LDB2: variants seen among roughly 807,000 people sequenced by gnomAD.
LDB2 encodes LIM domain binding 2.
In LDB2, 12 loss-of-function variants were observed where a neutral mutation model predicts 44.3. The observed-to-expected ratio is 0.27, with a 90% confidence interval of 0.17 to 0.44. The LOEUF is 0.44. Ranked by LOEUF, LDB2 falls within the 20% of genes least tolerant of loss-of-function variation. The pLI, the probability that LDB2 is intolerant of heterozygous loss-of-function variation, is 1.00. For missense variants in LDB2, 344 were observed against 473.5 expected (o/e 0.73, Z 2.54); for synonymous variants, 164 against 174.8 (o/e 0.94, Z 0.49).
intron 2 of LDB2, among the ~76,000 whole-genome samples, chr4:16,620,613 G>A (rs1273345699): frequency 6.6e-6 from 1 of 152,192 alleles, no homozygotes; most frequent in East Asian, 1.9e-4. Flanking sequence ...ATGTGGGGAG[G>A]TGAGAAGGGT....
intron 2 of LDB2, among the ~76,000 whole-genome samples, chr4:16,722,814 G>A (rs1364320010): frequency 6.6e-6 from 1 of 152,054 alleles, no homozygotes; most frequent in African/African-American, 2.4e-5. Context: ...TGAGGGTAGG[G>A]TCTGTTTGGC....
chr4:16,665,426 C>T (rs142421124), intron 2 of LDB2, among the ~76,000 whole-genome samples: 2,585 of 152,066 alleles, frequency 0.017, 32 homozygotes, highest in Non-Finnish European at 0.025. Flanking sequence ...CCACCACACC[C>T]GACTAAGTTT....
intron 1 of LDB2, among the ~76,000 whole-genome samples, chr4:16,762,163 T>G (rs2109244436): frequency 6.6e-6 from 1 of 152,074 alleles, no homozygotes; most frequent in Non-Finnish European, 1.5e-5. Flanking sequence ...CCCACTGCAC[T>G]CCAGTCTGGG....
chr4:16,595,057 T>C (rs1279478020), intron 3 of LDB2, among the ~76,000 whole-genome samples: 3 of 152,196 alleles, frequency 2.0e-5, no homozygotes, highest in African/African-American at 4.8e-5. Flanking sequence ...CTAAAATGTA[T>C]AGAAGATGAG....
intron 2 of LDB2, among the ~76,000 whole-genome samples, chr4:16,667,103 C>G (rs979799670): frequency 6.6e-6 from 1 of 152,184 alleles, no homozygotes; most frequent in Non-Finnish European, 1.5e-5. Flanking sequence ...AAGGAATGCA[C>G]AGAGAGTGTG....
At chr4:16,745,200 A>G (rs1212356942) in intron 2 of LDB2, among the ~76,000 whole-genome samples, 2 of 152,210 alleles carry the variant, frequency 1.3e-5, no homozygotes, top group African/African-American at 4.8e-5. Context: ...CAGACTGAGT[A>G]TGTGATTTCC....
intron 2 of LDB2, among the ~76,000 whole-genome samples, chr4:16,743,336 A>T (rs568262113): frequency 2.9e-4 from 44 of 152,200 alleles, no homozygotes; most frequent in Middle Eastern, 6.8e-3. Context: ...ATAATTATGT[A>T]TCTGCCTCAT....
intron 2 of LDB2, among the ~76,000 whole-genome samples, chr4:16,600,998 T>C (rs1722437656): frequency 6.6e-6 from 1 of 152,020 alleles, no homozygotes; most frequent in South Asian, 2.1e-4. Context: ...TAAAAAAAAC[T>C]TAAGGATGTT....
At chr4:16,759,049 G>T in intron 2 of LDB2, 109 bp downstream of exon 2, 1 of 676,662 alleles carries the variant, frequency 1.5e-6, no homozygotes, top group Non-Finnish European at 2.6e-6. Flanking sequence ...TCTCAGGAGT[G>T]GAGGTATTAT....
intron 7 of LDB2, chr4:16,507,163 T>C (rs1270558765): frequency 6.6e-6 from 1 of 152,216 alleles, no homozygotes; most frequent in Non-Finnish European, 1.5e-5. Flanking sequence ...GAGGACCACC[T>C]GGAGACTATT....
chr4:16,579,510 C>T (rs1184981455), intron 5 of LDB2, among the ~76,000 whole-genome samples: 1 of 152,002 alleles, frequency 6.6e-6, no homozygotes, highest in Admixed American at 6.6e-5. Context: ...TGATTTAGAG[C>T]AAGTAGAAGA....
intron 1 of LDB2, 83 bp downstream of exon 1, chr4:16,898,271 G>T: frequency 7.3e-7 from 1 of 1,375,842 alleles, no homozygotes; most frequent in Non-Finnish European, 1.0e-6. Flanking sequence ...ACTTCCCATA[G>T]AATTCAGCCA....
intron 5 of LDB2, among the ~76,000 whole-genome samples, chr4:16,572,849 G>T (rs940679451): frequency 6.6e-6 from 1 of 152,148 alleles, no homozygotes; most frequent in Non-Finnish European, 1.5e-5. Context: ...GGCTTTCTCT[G>T]CCTCCTCTCA....
intron 1 of LDB2, among the ~76,000 whole-genome samples, chr4:16,830,196 T>G (rs957147387): frequency 6.6e-6 from 1 of 152,150 alleles, no homozygotes; most frequent in Admixed American, 6.5e-5. Flanking sequence ...AAACCTCATC[T>G]CCAATTGTAA....
chr4:16,750,889 C>G (rs1765360793), intron 2 of LDB2: 1 of 152,158 alleles, frequency 6.6e-6, no homozygotes, highest in Admixed American at 6.5e-5. Context: ...GAACAGTTCT[C>G]TTCTCCAGTC....
chr4:16,785,271 C>A (rs1022385296), intron 1 of LDB2, among the ~76,000 whole-genome samples: 1 of 152,044 alleles, frequency 6.6e-6, no homozygotes, highest in African/African-American at 2.4e-5. Flanking sequence ...CCCCAGGCCA[C>A]AATTGCATCC....
At chr4:16,831,460 G>A (rs913889919) in intron 1 of LDB2, among the ~76,000 whole-genome samples, 2 of 152,134 alleles carry the variant, frequency 1.3e-5, no homozygotes, top group Non-Finnish European at 2.9e-5. Flanking sequence ...CTATTGTGTG[G>A]AAGTAGAAGC....
At chr4:16,849,675 A>C (rs995388255) in intron 1 of LDB2, among the ~76,000 whole-genome samples, 1 of 152,206 alleles carries the variant, frequency 6.6e-6, no homozygotes, top group Non-Finnish European at 1.5e-5. Flanking sequence ...CCTGTTTGTC[A>C]AAAAATAACA....
chr4:16,647,666 T>C (rs1301224889), intron 2 of LDB2, among the ~76,000 whole-genome samples: 1 of 152,096 alleles, frequency 6.6e-6, no homozygotes, highest in East Asian at 1.9e-4. Flanking sequence ...AAGACGATCA[T>C]GTTTCCCCTC....
Sources: gnomAD v4.1 joint callset for allele counts (sites outside exome capture counted in the v4.1 genomes callset) on GRCh38, gnomAD v4.1.1 for gene constraint, MANE v1.5 for transcripts, NCBI Gene and HGNC (gene_info 2026-07-23, HGNC 2026-07-21) for gene names.